KHDRBS2: variants seen among roughly 807,000 people sequenced by gnomAD.
KHDRBS2 encodes the protein KH RNA binding domain containing, signal transduction associated 2.
In KHDRBS2, 26 loss-of-function variants were observed where a neutral mutation model predicts 44.3. The ratio of observed to expected loss-of-function variants is 0.59; its 90% CI spans 0.43 to 0.81. The LOEUF (loss-of-function observed/expected upper bound fraction) is 0.81, where lower values mean the gene tolerates loss of function less well. Ranked by LOEUF, KHDRBS2 falls within the 40% of genes least tolerant of loss-of-function variation. The pLI is 0.00. For missense variants in KHDRBS2, 476 were observed against 433.1 expected (o/e 1.10, Z -0.88); for synonymous variants, 194 against 151.1 (o/e 1.28, Z -2.08).
chr6:61,684,371 G>A (rs1025314551), intron 8 of KHDRBS2, among the ~76,000 whole-genome samples: 1 of 151,868 alleles, frequency 6.6e-6, no homozygotes, highest in Non-Finnish European at 1.5e-5. Flanking sequence ...CCCAAACATA[G>A]GGAGAGACAA....
intron 4 of KHDRBS2, among the ~76,000 whole-genome samples, chr6:61,972,258 C>A (rs1771586972): frequency 6.6e-6 from 1 of 152,060 alleles, no homozygotes; most frequent in Non-Finnish European, 1.5e-5. Context: ...TAATAATAAT[C>A]ATGATTCTTA....
At chr6:61,607,321 C>T in the KHDRBS2 span, among the ~76,000 whole-genome samples, 4 of 150,720 alleles carry the variant, frequency 2.7e-5, no homozygotes, top group Non-Finnish European at 1.5e-5. Context: ...GCTAATACTG[C>T]ACAATTTAAT....
chr6:62,200,780 G>A (rs547071203), intron 1 of KHDRBS2, among the ~76,000 whole-genome samples: 2 of 152,278 alleles, frequency 1.3e-5, no homozygotes, highest in South Asian at 4.1e-4. Flanking sequence ...AAGGACACAT[G>A]CACATGTATG....
At chr6:61,791,847 T>G (rs918383367) in intron 6 of KHDRBS2, among the ~76,000 whole-genome samples, 3 of 151,444 alleles carry the variant, frequency 2.0e-5, no homozygotes, top group African/African-American at 7.2e-5. Flanking sequence ...TTGATATAAA[T>G]ATTTCCTATT....
At chr6:61,600,967 G>T in the KHDRBS2 span, among the ~76,000 whole-genome samples, 1 of 152,128 alleles carries the variant, frequency 6.6e-6, no homozygotes, top group Non-Finnish European at 1.5e-5. Flanking sequence ...TCATGGACTC[G>T]GGAAGACAGT....
chr6:61,634,878 A>T, the KHDRBS2 span, among the ~76,000 whole-genome samples: 2 of 152,088 alleles, frequency 1.3e-5, no homozygotes, highest in East Asian at 3.8e-4. Flanking sequence ...CATCTGGCTT[A>T]TTGCAGCAGC....
At chr6:62,058,115 A>C (rs1464184676) in intron 2 of KHDRBS2, among the ~76,000 whole-genome samples, 1 of 151,798 alleles carries the variant, frequency 6.6e-6, no homozygotes, top group Non-Finnish European at 1.5e-5. Flanking sequence ...ATGTTTATAA[A>C]CTAATTCCAT....
chr6:61,712,544 T>G (rs1362204241), intron 7 of KHDRBS2, among the ~76,000 whole-genome samples: 2 of 151,830 alleles, frequency 1.3e-5, no homozygotes, highest in Non-Finnish European at 2.9e-5. Context: ...AGCAATATGA[T>G]ATTAGGACAG....
At chr6:61,802,055 A>G (rs1786365580) in intron 6 of KHDRBS2, among the ~76,000 whole-genome samples, 1 of 152,168 alleles carries the variant, frequency 6.6e-6, no homozygotes, top group African/African-American at 2.4e-5. Flanking sequence ...TGAGAAGAAA[A>G]TAGGTAGACT....
At chr6:61,617,715 C>T in the KHDRBS2 span, among the ~76,000 whole-genome samples, 1 of 152,090 alleles carries the variant, frequency 6.6e-6, no homozygotes, top group African/African-American at 2.4e-5. Flanking sequence ...AGTAATTTAA[C>T]AAAGAATTGT....
chr6:61,585,344 C>G, the KHDRBS2 span, among the ~76,000 whole-genome samples: 1 of 152,026 alleles, frequency 6.6e-6, no homozygotes. Context: ...GTGATGAAAG[C>G]ATTTTACAGT....
chr6:61,595,536 C>T, the KHDRBS2 span, among the ~76,000 whole-genome samples: 44 of 152,170 alleles, frequency 2.9e-4, no homozygotes, highest in South Asian at 8.1e-3. Flanking sequence ...GCATATCTTG[C>T]TTCTCTCATA....
At chr6:62,160,518 G>A (rs1585002303) in intron 2 of KHDRBS2, among the ~76,000 whole-genome samples, 3 of 152,118 alleles carry the variant, frequency 2.0e-5, no homozygotes, top group Admixed American at 2.0e-4. Context: ...GTAGGTAATT[G>A]CAAACCCCTG....
intron 2 of KHDRBS2, among the ~76,000 whole-genome samples, chr6:62,048,360 T>A: frequency 6.6e-6 from 1 of 151,866 alleles, no homozygotes; most frequent in East Asian, 1.9e-4. Context: ...ACTATATTAT[T>A]GAAATAAGAG....
intron 6 of KHDRBS2, among the ~76,000 whole-genome samples, chr6:61,830,344 G>A (rs1791596464): frequency 6.6e-6 from 1 of 152,206 alleles, no homozygotes; most frequent in South Asian, 2.1e-4. Context: ...ACATTCAGGA[G>A]TTATTGTTAG....
In KHDRBS2 at chr6:62,254,588, C is replaced by T. The variant is rs180727256; in HGVS notation, c.91+31270G>A. On this transcript the variant is annotated intron_variant, in intron 1 of 8. Coordinates refer to ENST00000281156, the MANE Select transcript of KHDRBS2 (RefSeq NM_152688.4). ...AGCAGATCTTTATCAGAAAAGTAAG[C>T]AGCTACTATAATGGCCCTAAGACAG... Among the ~76,000 whole-genome samples the T allele has an allele frequency of 1.1e-4, 17 of 151,974 alleles. No homozygotes were observed. In the South Asian group the frequency reaches 3.1e-3, roughly 28 times the overall value.
chr6:62,256,412 G>A (rs1837401097), intron 1 of KHDRBS2, among the ~76,000 whole-genome samples: 1 of 151,936 alleles, frequency 6.6e-6, no homozygotes, highest in South Asian at 2.1e-4. Context: ...TAAATCATGG[G>A]GGGTGAGTCT....
chr6:61,700,182 C>T (rs1768420154), intron 7 of KHDRBS2, among the ~76,000 whole-genome samples: 1 of 151,798 alleles, frequency 6.6e-6, no homozygotes, highest in South Asian at 2.1e-4. Flanking sequence ...ATCATCAATA[C>T]ATTTTCTATG....
In KHDRBS2 at chr6:62,155,990, A is replaced by G. The variant is rs564065613; in HGVS notation, c.219+21195T>C. Among the ~76,000 whole-genome samples, 29 of 152,310 alleles carry G rather than the reference A, an allele frequency of 1.9e-4. No homozygotes were observed. In the East Asian group the frequency reaches 4.6e-3, roughly 24 times the overall value. Reference sequence around the variant, plus strand: ...GCTCACACATGTGAAATAGGTTTGCAGCAATTTCTCTGTCTAGTTATACAA... The same window carrying G: ...GCTCACACATGTGAAATAGGTTTGCGGCAATTTCTCTGTCTAGTTATACAA... On this transcript the variant is annotated intron_variant, in intron 2 of 8. Coordinates refer to ENST00000281156, the MANE Select transcript of KHDRBS2 (RefSeq NM_152688.4).
Sources: allele counts gnomAD v4.1 joint callset (sites outside exome capture counted in the v4.1 genomes callset), GRCh38; gene constraint gnomAD v4.1.1; transcripts MANE v1.5; gene names NCBI Gene and HGNC (gene_info 2026-07-23, HGNC 2026-07-21).